Variants in KCNQ2 observed in about 807,000 individuals in gnomAD.
The protein encoded by KCNQ2 is potassium voltage-gated channel subfamily Q member 2.
Under a neutral mutation model 84.8 loss-of-function variants are expected in KCNQ2, and 14 were observed. The observed-to-expected ratio is 0.17, with a 90% confidence interval of 0.11 to 0.26. The LOEUF (loss-of-function observed/expected upper bound fraction) is 0.26, where lower values mean the gene tolerates loss of function less well. KCNQ2 is among the 10% of genes least tolerant of loss of function. The pLI, the probability that KCNQ2 is intolerant of heterozygous loss-of-function variation, is 1.00. For missense variants in KCNQ2, 788 were observed against 1,254.0 expected (o/e 0.63, Z 5.61); for synonymous variants, 599 against 554.1 (o/e 1.08, Z -1.14).
At chr20:63,430,709 G>A (rs1051389443) in intron 9 of KCNQ2, among the ~76,000 whole-genome samples, 6 of 152,222 alleles carry the variant, frequency 3.9e-5, no homozygotes, top group Non-Finnish European at 5.9e-5. Context: ...GTGGGGACAG[G>A]GGTGGGACGG....
rs970852904 is a variant in KCNQ2, at chr20:63,406,146, C to T, written c.*498G>A. The T allele has an allele frequency of 2.5e-5, 4 of 162,670 alleles. No individual in the cohort carries two copies. The highest frequency in any genetic ancestry group is 1.8e-4 in the South Asian group (1 of 5,552). The allele number at this position is 162,670 out of a possible 1,614,324, so 10.1% of individuals were successfully genotyped here. A position where few individuals can be genotyped will look rare whatever the true frequency, so the allele number is the denominator to read the frequency against. ...GTGTGAAGGCAGAGGCCACGCACAG[C>T]GGCCGGCCACACCCGCCTGTAGCTG... is the stretch of plus-strand genomic sequence containing the variant. On this transcript the variant is annotated 3_prime_UTR_variant, in exon 17 of 17. Coordinates refer to ENST00000359125, the MANE Select transcript of KCNQ2 (RefSeq NM_172107.4).
At chr20:63,424,995 C>T (rs756355375) in intron 10 of KCNQ2, among the ~76,000 whole-genome samples, 17 of 152,140 alleles carry the variant, frequency 1.1e-4, no homozygotes, top group African/African-American at 2.2e-4. Context: ...TCCACGCTCT[C>T]GGGGAGGGTC....
At position 63,406,204 on chromosome 20, in the gene KCNQ2, G is replaced by A. The variant is rs1023184442; in HGVS notation, c.*440C>T. 6.0e-5 allele frequency: 10 copies of A among 167,182 alleles called. No individual in the cohort carries two copies. Among genetic ancestry groups the A allele is most frequent in the African/African-American group, 9.6e-5 (4 of 41,702 alleles). The allele number at this position is 167,182 out of a possible 1,614,324, so 10.4% of individuals were successfully genotyped here. A position where few individuals can be genotyped will look rare whatever the true frequency, so the allele number is the denominator to read the frequency against. ...ACCCCACCGGGACCCAAGGCCGCAGGTCCTCACCAAACAGGCCCGCCCTTT... is the reference window on the plus strand; with the variant it reads ...ACCCCACCGGGACCCAAGGCCGCAGATCCTCACCAAACAGGCCCGCCCTTT... On this transcript the variant is annotated 3_prime_UTR_variant, in exon 17 of 17. Coordinates refer to ENST00000359125, the MANE Select transcript of KCNQ2 (RefSeq NM_172107.4).
intron 5 of KCNQ2, among the ~76,000 whole-genome samples, chr20:63,442,072 C>T (rs57575955): frequency 0.21 from 31,652 of 152,188 alleles, 3,687 homozygotes; most frequent in Non-Finnish European, 0.27. Context: ...CTAGGGATGC[C>T]TCTTCTCCCC....
chr20:63,441,953 G>A (rs1339185603), intron 5 of KCNQ2, among the ~76,000 whole-genome samples: 2 of 152,180 alleles, frequency 1.3e-5, no homozygotes, highest in African/African-American at 2.4e-5. Context: ...GGTGTCTGTG[G>A]CCCCAGGTGA....
In KCNQ2 at chr20:63,408,245, G is replaced by A. The variant is rs2145495412; in HGVS notation, c.1887+168C>T. The stretch of plus-strand genomic sequence containing the variant: ...GCCGGGGGTGGGAGGCTCACGGTGG[G>A]GTGTGAGGGGTCTGCACAGAGCAGC... On this transcript the variant is annotated intron_variant, in intron 16 of 16. Transcript: ENST00000359125. The surrounding 1 kb of genome is among the most constrained non-coding windows in gnomAD (Gnocchi z 5.0). 1 of 855,800 alleles carries A rather than the reference G, an allele frequency of 1.2e-6. No individual in the cohort carries two copies. The highest frequency in any genetic ancestry group is 1.8e-6 in the Non-Finnish European group (1 of 555,236). 53.0% of individuals were successfully genotyped at this position (855,800 alleles called of 1,614,324 possible).
rs1601524654 is a variant in KCNQ2, at chr20:63,400,395, A to G, written c.*6249T>C. On this transcript the variant is annotated 3_prime_UTR_variant, in exon 17 of 17. Transcript: ENST00000359125. The surrounding 1 kb of genome is among the most constrained non-coding windows in gnomAD (Gnocchi z 8.7). ...CTGGCATCAACCTGTCCGTGTGAGTAAGTTAATATCTCAGCTAATCTGTTA... is the reference window on the plus strand; with the variant it reads ...CTGGCATCAACCTGTCCGTGTGAGTGAGTTAATATCTCAGCTAATCTGTTA... The G allele has an allele frequency of 1.3e-5, 5 of 388,048 alleles. No individual in the cohort carries two copies. In the Admixed American group the frequency reaches 2.2e-4, roughly 17 times the overall value. The allele number at this position is 388,048 out of a possible 1,614,324, so 24.0% of individuals were successfully genotyped here.
chr20:63,451,166 C>A (rs982002960), intron 1 of KCNQ2, among the ~76,000 whole-genome samples: 23 of 148,798 alleles, frequency 1.5e-4, no homozygotes, highest in Non-Finnish European at 7.5e-5. Flanking sequence ...AACAAACAAA[C>A]AAAAAAATGA....
chr20:63,430,551 C>T (rs2080761290), intron 9 of KCNQ2, among the ~76,000 whole-genome samples: 1 of 152,176 alleles, frequency 6.6e-6, no homozygotes, highest in Non-Finnish European at 1.5e-5. Flanking sequence ...AGTGGCTGGC[C>T]CCAGGCTCTG....
intron 8 of KCNQ2, among the ~76,000 whole-genome samples, chr20:63,432,270 T>C (rs1295471651): frequency 1.2e-5 from 1 of 82,500 alleles, no homozygotes; most frequent in Non-Finnish European, 2.5e-5. Flanking sequence ...CCCCAGCCTC[T>C]GGGAAGTCCC....
rs186601539 is a variant in KCNQ2, at chr20:63,455,581, G to C, written c.297-8744C>G. ...GGGACCTGGGACCCAAGTGCAAAGAGGAGAAGTTGGGGCAGGGAGGGGCCC... is the reference window on the plus strand; with the variant it reads ...GGGACCTGGGACCCAAGTGCAAAGACGAGAAGTTGGGGCAGGGAGGGGCCC... On this transcript the variant is annotated intron_variant, in intron 1 of 16. Coordinates refer to ENST00000359125, the MANE Select transcript of KCNQ2 (RefSeq NM_172107.4). Among the ~76,000 whole-genome samples the C allele has an allele frequency of 5.6e-3, 849 of 152,310 alleles. 4 individuals are homozygous for C. The highest frequency in any genetic ancestry group is 0.019 in the African/African-American group (805 of 41,578).
At position 63,414,924 on chromosome 20, in the gene KCNQ2, C is replaced by T. The variant is rs540103798; in HGVS notation, c.1504G>A (p.Ala502Thr). ...ARQAFRIKGA[A>T]SRQNSEEASL... ...CCACCTTCTGAGTTCTGCCGTGACG[C>T]GGCACCCTTGATGCGGAAAGCCTGG... Residue 502 changes from alanine to threonine, a missense_variant, in exon 13 of 17, where the codon GCG (alanine) becomes ACG (threonine). This residue lies in a region of KCNQ2 where 202 missense variants were observed against 239.4 expected (regional missense o/e 0.84). Transcript: ENST00000359125. This position sits in a 1 kb window ranked among gnomAD's most constrained non-coding sequence, Gnocchi z 6.6. 9.9e-6 allele frequency: 16 copies of T among 1,612,776 alleles called. No individual in the cohort carries two copies. Among genetic ancestry groups the T allele is most frequent in the South Asian group, 3.3e-5 (3 of 91,048 alleles).
chr20:63,436,599 C>T (rs1433419018), intron 7 of KCNQ2, among the ~76,000 whole-genome samples: 1 of 152,070 alleles, frequency 6.6e-6, no homozygotes. Context: ...TGGCCACCAG[C>T]ATCGAGGTGA....
chr20:63,427,277 T>G (rs1252998202), intron 10 of KCNQ2, among the ~76,000 whole-genome samples: 1 of 152,206 alleles, frequency 6.6e-6, no homozygotes, highest in African/African-American at 2.4e-5. Context: ...AAATCAGGTG[T>G]GTGTGATTGC....
intron 1 of KCNQ2, among the ~76,000 whole-genome samples, chr20:63,467,958 A>G (rs1030384076): frequency 6.6e-6 from 1 of 152,212 alleles, no homozygotes; most frequent in Non-Finnish European, 1.5e-5. Flanking sequence ...TGGAATGGTC[A>G]GGAGGAGAGT....
rs539437031 is a variant in KCNQ2 at position 63,427,711 on chromosome 20, C to T, written c.1217+656G>A. On this transcript the variant is annotated intron_variant, in intron 10 of 16. Transcript: ENST00000359125. Reference sequence around the variant, plus strand: ...ATCTCCCTCTCCTTGTAAGGACACTCGTTGTTGGACTCAGGGCCCGCCCGG... The same window carrying T: ...ATCTCCCTCTCCTTGTAAGGACACTTGTTGTTGGACTCAGGGCCCGCCCGG... 2.6e-5 allele frequency among the ~76,000 whole-genome samples: 4 copies of T among 152,308 alleles called. No individual in the cohort carries two copies. The South Asian group carries it at 8.3e-4, about 32-fold the overall frequency.
At chr20:63,410,974 A>T in intron 15 of KCNQ2, 1 of 455,890 alleles carries the variant, frequency 2.2e-6, no homozygotes, top group Non-Finnish European at 4.4e-6. Flanking sequence ...AGTCCCTGGG[A>T]GGCAAGAAGG....
At chr20:63,421,757 G>C (rs1482975874) in intron 11 of KCNQ2, among the ~76,000 whole-genome samples, 2 of 152,150 alleles carry the variant, frequency 1.3e-5, no homozygotes, top group Non-Finnish European at 2.9e-5. Flanking sequence ...ACGGGGGCAG[G>C]AGGCAGTGAG....
chr20:63,443,187 A>C, intron 4 of KCNQ2, among the ~76,000 whole-genome samples: 1 of 92,072 alleles, frequency 1.1e-5, no homozygotes, highest in Non-Finnish European at 2.2e-5. Context: ...CATCACCATC[A>C]CCACCACCAC....
Sources: allele counts gnomAD v4.1 joint callset (sites outside exome capture counted in the v4.1 genomes callset), GRCh38; gene constraint gnomAD v4.1.1; regional missense constraint gnomAD v4.1.1; non-coding constraint Gnocchi (gnomAD v3.1); transcripts MANE v1.5; gene names NCBI Gene and HGNC (gene_info 2026-07-23, HGNC 2026-07-21).